The following FAM120A variants were observed in gnomAD, a reference collection of about 807,000 sequenced individuals.
FAM120A encodes the protein constitutive coactivator of PPAR-gamma-like protein 1.
Under a neutral mutation model 109.7 loss-of-function variants are expected in FAM120A, and 15 were observed. That is an observed-to-expected ratio of 0.14 (90% CI 0.09 to 0.21). FAM120A has a LOEUF of 0.21. Among genes scored for constraint, FAM120A ranks in the 10% least tolerant of loss-of-function variants. The probability of loss-of-function intolerance (pLI) is 1.00; values close to 1 mark genes in which losing one functional copy is unlikely to be tolerated. For missense variants in FAM120A, 899 were observed against 1,439.3 expected, an observed-to-expected ratio of 0.62 and a Z score of 6.07; for synonymous variants, 493 against 572.8, an observed-to-expected ratio of 0.86 and a Z score of 1.99.
At chr9:93,476,473 T>C (rs1858553165) in intron 3 of FAM120A, 135 bp downstream of exon 3, 2 of 626,784 alleles carry the variant, frequency 3.2e-6, no homozygotes, top group South Asian at 3.9e-5. Context: ...AATTTCAGGA[T>C]CTGCACTGCC....
rs769492043 is a variant in FAM120A at position 93,452,167 on chromosome 9, C to G, written c.252C>G (p.Ala84=). Residue 84 remains alanine, a synonymous_variant, in exon 1 of 18, where the codon GCC becomes GCG. Transcript: ENST00000277165. The surrounding 1 kb of genome is among the most constrained non-coding windows in gnomAD (Gnocchi z 7.0). ...GCTACCTGGCGGCGCTGGCCAAGGCCTGCTTCGGCGGCAACATCGAGCTCT... is the reference window on the plus strand; with the variant it reads ...GCTACCTGGCGGCGCTGGCCAAGGCGTGCTTCGGCGGCAACATCGAGCTCT... ...MLGYLAALAK[A]CFGGNIELFV... The G allele has an allele frequency of 1.2e-6, 2 of 1,611,670 alleles. No individual in the cohort carries two copies. Among genetic ancestry groups the G allele is most frequent in the Non-Finnish European group, 1.7e-6 (2 of 1,179,786 alleles).
intron 3 of FAM120A, among the ~76,000 whole-genome samples, chr9:93,485,328 G>T (rs1465842011): frequency 6.6e-6 from 1 of 152,036 alleles, no homozygotes; most frequent in Non-Finnish European, 1.5e-5. Flanking sequence ...GGGTATGGTG[G>T]CTCATGCTTG....
rs538207670 is a variant in FAM120A, at chr9:93,500,806, A to G, written c.1030+1920A>G. Among the ~76,000 whole-genome samples, 51 of 152,298 alleles carry G rather than the reference A, an allele frequency of 3.3e-4. No individual in the cohort carries two copies. The highest frequency in any genetic ancestry group is 1.2e-3 in the African/African-American group (49 of 41,570). On this transcript the variant is annotated intron_variant, in intron 5 of 17. Coordinates refer to ENST00000277165, the MANE Select transcript of FAM120A (RefSeq NM_014612.5). This position sits in a 1 kb window ranked among gnomAD's most constrained non-coding sequence, Gnocchi z 4.6. Reference sequence around the variant, plus strand: ...TATACCCTGCACACAGAAGATGTCTAATAATTGCTTGTGGGAATGATGGGG... The same window carrying G: ...TATACCCTGCACACAGAAGATGTCTGATAATTGCTTGTGGGAATGATGGGG...
rs1158396447 is a variant in FAM120A at position 93,451,688 on chromosome 9, G to C, written c.-228G>C. Reference sequence around the variant, plus strand: ...GGCCCTCAGCCTCGGCCTCGGCCTCGGCCTCGCAGCGGCGGCAGCGGCGGC... The same window carrying C: ...GGCCCTCAGCCTCGGCCTCGGCCTCCGCCTCGCAGCGGCGGCAGCGGCGGC... On this transcript the variant is annotated 5_prime_UTR_variant, in exon 1 of 18. Transcript: ENST00000277165. The C allele has an allele frequency of 6.8e-5, 66 of 977,156 alleles. No individual in the cohort carries two copies. The highest frequency in any genetic ancestry group is 7.8e-5 in the Non-Finnish European group (65 of 828,704). The allele number at this position is 977,156 out of a possible 1,614,324, so 60.5% of individuals were successfully genotyped here.
At chr9:93,513,231 G>A (rs552240464) in intron 5 of FAM120A, among the ~76,000 whole-genome samples, 1 of 152,142 alleles carries the variant, frequency 6.6e-6, no homozygotes, top group Non-Finnish European at 1.5e-5. Flanking sequence ...TAAAATAATA[G>A]CGACTTTGAT....
At chr9:93,525,394 AC>A (rs1016422986) in intron 7 of FAM120A, among the ~76,000 whole-genome samples, 1 of 151,792 alleles carries the variant, frequency 6.6e-6, no homozygotes, top group African/African-American at 2.4e-5. Flanking sequence ...AGATCCTCTT[AC>A]CCTCCAAGAG....
At chr9:93,555,987 G>A (rs933297575) in intron 12 of FAM120A, among the ~76,000 whole-genome samples, 5 of 152,114 alleles carry the variant, frequency 3.3e-5, no homozygotes, top group South Asian at 2.1e-4. Flanking sequence ...CTGTTAATAC[G>A]TTACCTGTGT....
chr9:93,488,316 A>G (rs1204749596), intron 3 of FAM120A, among the ~76,000 whole-genome samples: 1 of 152,178 alleles, frequency 6.6e-6, no homozygotes, highest in Non-Finnish European at 1.5e-5. Flanking sequence ...GCTTTTGTCA[A>G]GACCATGGAT....
intron 12 of FAM120A, among the ~76,000 whole-genome samples, chr9:93,553,421 G>A (rs566463360): frequency 6.6e-6 from 1 of 152,336 alleles, no homozygotes; most frequent in Admixed American, 6.5e-5. Flanking sequence ...TCTGTGATAC[G>A]TGTAAGAATT....
Position 93,452,624 on chromosome 9 carries a change from G to A in FAM120A, c.474+235G>A. 4 of 1,599,280 alleles carry A rather than the reference G, an allele frequency of 2.5e-6. No homozygotes were observed. The highest frequency in any genetic ancestry group is 3.4e-6 in the Non-Finnish European group (4 of 1,179,880). On this transcript the variant is annotated intron_variant, in intron 1 of 17. Coordinates refer to ENST00000277165, the MANE Select transcript of FAM120A (RefSeq NM_014612.5). The surrounding 1 kb of genome is among the most constrained non-coding windows in gnomAD (Gnocchi z 7.0). ...CCTGTTCGGGGTCCGCGGCCGCGTG[G>A]GGACACTTGAGGGCTGGGAGAGAGC...
chr9:93,499,934 C>A (rs924296832), intron 5 of FAM120A, among the ~76,000 whole-genome samples: 3 of 152,218 alleles, frequency 2.0e-5, no homozygotes, highest in Non-Finnish European at 4.4e-5. Flanking sequence ...CATTGGAGAT[C>A]AGAGGCATGG....
rs189633838 is a variant in FAM120A at position 93,457,474 on chromosome 9, A to G, written c.474+5085A>G. On this transcript the variant is annotated intron_variant, in intron 1 of 17. Coordinates refer to ENST00000277165, the MANE Select transcript of FAM120A (RefSeq NM_014612.5). The stretch of plus-strand genomic sequence containing the variant: ...ATTTGTAAGAAATCTTTCCATGTCT[A>G]TACTTAGAGCTCTAAGTCTTTTCAG... 2.2e-4 allele frequency among the ~76,000 whole-genome samples: 33 copies of G among 152,248 alleles called. No individual in the cohort carries two copies. In the East Asian group the frequency reaches 5.4e-3, roughly 25 times the overall value.
At chr9:93,488,961 A>G (rs542179518) in intron 3 of FAM120A, among the ~76,000 whole-genome samples, 3 of 151,584 alleles carry the variant, frequency 2.0e-5, no homozygotes, top group South Asian at 2.1e-4. Context: ...AGAATTTCTC[A>G]GTGACTCTCT....
chr9:93,486,859 C>A (rs1217147531), intron 3 of FAM120A, among the ~76,000 whole-genome samples: 1 of 152,102 alleles, frequency 6.6e-6, no homozygotes, highest in Non-Finnish European at 1.5e-5. Flanking sequence ...GAGGAACCAC[C>A]AAACTGTTTT....
chr9:93,453,874 C>T (rs911519654), intron 1 of FAM120A, among the ~76,000 whole-genome samples: 1 of 152,222 alleles, frequency 6.6e-6, no homozygotes, highest in African/African-American at 2.4e-5. Flanking sequence ...GAAAAGACTA[C>T]TTAAAAGACA....
At chr9:93,459,292 C>T (rs1322139770) in intron 1 of FAM120A, among the ~76,000 whole-genome samples, 1 of 152,216 alleles carries the variant, frequency 6.6e-6, no homozygotes, top group Non-Finnish European at 1.5e-5. Flanking sequence ...TCCTCTTGTA[C>T]CCCATTATGC....
intron 10 of FAM120A, among the ~76,000 whole-genome samples, chr9:93,534,030 T>C (rs749052239): frequency 2.6e-5 from 4 of 152,154 alleles, no homozygotes; most frequent in Non-Finnish European, 5.9e-5. Flanking sequence ...TTCGGCATCA[T>C]TGGTGTGCTG....
Position 93,452,327 on chromosome 9 carries a change from T to C in FAM120A, c.412T>C (p.Phe138Leu). The C allele has an allele frequency of 6.2e-7, 1 of 1,612,966 alleles. No homozygotes were observed. The highest frequency in any genetic ancestry group is 8.5e-7 in the Non-Finnish European group (1 of 1,179,852). ...NKGTPPPKVW[F>L]LPPVCMAHCI... Reference sequence around the variant, plus strand: ...GGGCACCCCGCCGCCAAAGGTCTGGTTCCTGCCGCCCGTCTGCATGGCCCA... The same window carrying C: ...GGGCACCCCGCCGCCAAAGGTCTGGCTCCTGCCGCCCGTCTGCATGGCCCA... Residue 138 changes from phenylalanine (F) to leucine (L), a missense_variant, in exon 1 of 18, where the codon TTC becomes CTC. This residue lies in a region of FAM120A where 258 missense variants were observed against 451.4 expected (regional missense o/e 0.57). Coordinates refer to ENST00000277165, the MANE Select transcript of FAM120A (RefSeq NM_014612.5). This position sits in a 1 kb window ranked among gnomAD's most constrained non-coding sequence, Gnocchi z 7.0.
intron 1 of FAM120A, among the ~76,000 whole-genome samples, chr9:93,460,192 A>C (rs766484911): frequency 1.3e-5 from 2 of 152,228 alleles, no homozygotes; most frequent in African/African-American, 2.4e-5. Context: ...AACATGAAGA[A>C]GAGAGATTTT....
Sources: allele counts gnomAD v4.1 joint callset (sites outside exome capture counted in the v4.1 genomes callset), GRCh38; gene constraint gnomAD v4.1.1; regional missense constraint gnomAD v4.1.1; non-coding constraint Gnocchi (gnomAD v3.1); transcripts MANE v1.5; gene names NCBI Gene and HGNC (gene_info 2026-07-23, HGNC 2026-07-21).